TNFSF12: variants seen among roughly 807,000 people sequenced by gnomAD.
The protein encoded by TNFSF12 is tumor necrosis factor ligand superfamily member 12.
In TNFSF12, 16 loss-of-function variants were observed where a neutral mutation model predicts 31.2. That is an observed-to-expected ratio of 0.51 (90% CI 0.35 to 0.78). TNFSF12 has a LOEUF of 0.78. Among genes scored for constraint, TNFSF12 ranks in the 30% least tolerant of loss-of-function variants. The pLI is 0.01. For missense variants in TNFSF12, 324 were observed against 338.8 expected, an observed-to-expected ratio of 0.96 and a Z score of 0.34; for synonymous variants, 150 against 151.4, an observed-to-expected ratio of 0.99 and a Z score of 0.07.
rs879162219 is a variant in TNFSF12, at chr17:7,557,774, G to A, written c.*424G>A. 2 of 176,448 alleles carry A rather than the reference G, an allele frequency of 1.1e-5. No homozygotes were observed. The highest frequency in any genetic ancestry group is 1.8e-4 in the South Asian group (1 of 5,698). The allele number at this position is 176,448 out of a possible 1,614,324, so 10.9% of individuals were successfully genotyped here. A position where few individuals can be genotyped will look rare whatever the true frequency, so the allele number is the denominator to read the frequency against. Reference sequence around the variant, plus strand: ...CCAGGAGTTCCCAAATGTGAGGGGCGAGAAACAAGACAAGCTCCTCCCTTG... The same window carrying A: ...CCAGGAGTTCCCAAATGTGAGGGGCAAGAAACAAGACAAGCTCCTCCCTTG... On this transcript the variant is annotated 3_prime_UTR_variant, in exon 7 of 7. Coordinates refer to ENST00000293825, the MANE Select transcript of TNFSF12 (RefSeq NM_003809.3). The surrounding 1 kb of genome is among the most constrained non-coding windows in gnomAD (Gnocchi z 5.2).
Position 7,556,783 on chromosome 17 carries a change from G to T in TNFSF12, c.379G>T (p.Asp127Tyr). The change falls in exon 6 of 7, where the codon GAC (aspartate) becomes TAC (tyrosine). Residue 127 changes from aspartate (D) to tyrosine (Y), a missense_variant. Coordinates refer to ENST00000293825, the MANE Select transcript of TNFSF12 (RefSeq NM_003809.3). ...PGQDGAQAGVDGTVSGWEEAR... is the reference protein window; with the variant it reads ...PGQDGAQAGVYGTVSGWEEAR... ...CTCTGAGCATCCGTGTTCAGGTGTG[G>T]ACGGGACAGTGAGTGGCTGGGAGGA... 1 of 1,529,334 alleles carries T rather than the reference G, an allele frequency of 6.5e-7. No individual in the cohort carries two copies. Among genetic ancestry groups the T allele is most frequent in the South Asian group, 1.3e-5 (1 of 78,128 alleles). 94.7% of individuals were successfully genotyped at this position (1,529,334 alleles called of 1,614,324 possible).
intron 5 of TNFSF12, 138 bp from the exon 6 acceptor site, chr17:7,556,640 G>A: frequency 7.6e-7 from 1 of 1,313,784 alleles, no homozygotes; most frequent in Non-Finnish European, 9.8e-7. Context: ...TAGGGGATGG[G>A]TCCTCCCTTG....
chr17:7,549,196 G>A lies in TNFSF12; in HGVS notation c.43G>A (p.Glu15Lys), dbSNP rs768061768. 495 of 1,310,690 alleles carry A rather than the reference G, an allele frequency of 3.8e-4. No homozygotes were observed. The highest frequency in any genetic ancestry group is 2.3e-3 in the Middle Eastern group (8 of 3,494). 81.2% of individuals were successfully genotyped at this position (1,310,690 alleles called of 1,614,324 possible). The change falls in exon 1 of 7, where the codon GAG becomes AAG. Residue 15 changes from glutamate to lysine, a missense_variant. Glu to Lys is a moderately conservative substitution (Grantham distance 56, BLOSUM62 1). Coordinates refer to ENST00000293825, the MANE Select transcript of TNFSF12 (RefSeq NM_003809.3). This position sits in a 1 kb window ranked among gnomAD's most constrained non-coding sequence, Gnocchi z 4.1. ...RSQRRRGRRG[E>K]PGTALLVPLA... is the part of the protein sequence containing the mutation. ...CCAGAGGCGGAGGGGGCGCCGGGGG[G>A]AGCCGGGCACCGCCCTGCTGGTCCC...
chr17:7,557,393 C>A lies in TNFSF12; in HGVS notation c.*43C>A. ...GCAGTCGTCCCAGGCTGCCGGCTCC[C>A]CTCGACAGCTCTCTGGGCACCCGGT... On this transcript the variant is annotated 3_prime_UTR_variant, in exon 7 of 7. Coordinates refer to ENST00000293825, the MANE Select transcript of TNFSF12 (RefSeq NM_003809.3). The surrounding 1 kb of genome is among the most constrained non-coding windows in gnomAD (Gnocchi z 5.2). 6.5e-7 allele frequency: 1 copy of A among 1,539,238 alleles called. No homozygotes were observed. The highest frequency in any genetic ancestry group is 8.8e-7 in the Non-Finnish European group (1 of 1,140,656).
Position 7,550,819 on chromosome 17 carries a change from C to A in TNFSF12, c.304C>A (p.Arg102=), listed in dbSNP as rs150816164. 1.9e-6 allele frequency: 3 copies of A among 1,611,610 alleles called. No individual in the cohort carries two copies. Among genetic ancestry groups the A allele is most frequent in the Non-Finnish European group, 2.5e-6 (3 of 1,177,940 alleles). Residue 102 remains arginine, a synonymous_variant, in exon 4 of 7, where the codon CGG becomes AGG. Transcript: ENST00000293825. This position sits in a 1 kb window ranked among gnomAD's most constrained non-coding sequence, Gnocchi z 4.4. ...RRSAPKGRKT[R]ARRAIAAHYE... ...CTCAGCACCTAAAGGCCGGAAAACA[C>A]GGGCTCGAAGAGCGATCGCAGCCCA...
Position 7,550,771 on chromosome 17 carries a change from T to A in TNFSF12, c.284-28T>A, listed in dbSNP as rs755889219. 1 of 1,599,984 alleles carries A rather than the reference T, an allele frequency of 6.3e-7. No homozygotes were observed. The highest frequency in any genetic ancestry group is 8.6e-7 in the Non-Finnish European group (1 of 1,168,348). On this transcript the variant is annotated intron_variant, in intron 3 of 6. Transcript: ENST00000293825. This position sits in a 1 kb window ranked among gnomAD's most constrained non-coding sequence, Gnocchi z 4.4. ...CTGGGACCCCCACTAGGGCCCGCTTTGCTCATCTGTCTTTCCTTGATCCTC... is the reference window on the plus strand; with the variant it reads ...CTGGGACCCCCACTAGGGCCCGCTTAGCTCATCTGTCTTTCCTTGATCCTC...
At chr17:7,554,300 CCA>C (rs1349697611) in intron 5 of TNFSF12, among the ~76,000 whole-genome samples, 1 of 147,428 alleles carries the variant, frequency 6.8e-6, no homozygotes, top group African/African-American at 2.5e-5. Context: ...CAACTAATAT[CCA>C]GACTCTTTTT....
chr17:7,553,486 C>T (rs2071024752), intron 5 of TNFSF12: 1 of 503,312 alleles, frequency 2.0e-6, no homozygotes, highest in African/African-American at 2.0e-5. Flanking sequence ...GTACTGAGGG[C>T]TTTCTTGAGA....
intron 6 of TNFSF12, 76 bp downstream of exon 6, chr17:7,556,978 T>C: frequency 7.1e-7 from 1 of 1,404,126 alleles, no homozygotes; most frequent in Non-Finnish European, 9.7e-7. Flanking sequence ...GGGGACAAGC[T>C]ACAGGGCTGG....
chr17:7,551,004 A>C, intron 5 of TNFSF12, 26 bp downstream of exon 5: 1 of 1,613,074 alleles, frequency 6.2e-7, no homozygotes, highest in Non-Finnish European at 8.5e-7. Flanking sequence ...CCGACACAGC[A>C]CTGGCCTCCT....
intron 5 of TNFSF12, among the ~76,000 whole-genome samples, chr17:7,551,550 T>G (rs1393250343): frequency 6.6e-6 from 1 of 152,194 alleles, no homozygotes; most frequent in African/African-American, 2.4e-5. Context: ...GCTGTCTTCA[T>G]GTTTGCTGCG....
intron 6 of TNFSF12, 48 bp downstream of exon 6, chr17:7,556,950 G>C (rs766910553): frequency 3.3e-6 from 5 of 1,528,714 alleles, no homozygotes; most frequent in Non-Finnish European, 4.4e-6. Context: ...GAGTGGCGAA[G>C]GGTTTGCCAG....
chr17:7,549,245 C>G lies in TNFSF12; in HGVS notation c.92C>G (p.Ala31Gly), dbSNP rs1047123457. ...CCGCTCGCGCTGGGCCTGGGCCTGG[C>G]GCTGGCCTGCCTCGGCCTCCTGCTG... Reference protein sequence around the residue: ...LVPLALGLGLALACLGLLLAV... With the variant: ...LVPLALGLGLGLACLGLLLAV... Residue 31 changes from alanine (A) to glycine (G), a missense_variant, in exon 1 of 7, where the codon GCG becomes GGG. Transcript: ENST00000293825. This position sits in a 1 kb window ranked among gnomAD's most constrained non-coding sequence, Gnocchi z 4.1. The G allele has an allele frequency of 2.2e-6, 3 of 1,394,252 alleles. No homozygotes were observed. Among genetic ancestry groups the G allele is most frequent in the Non-Finnish European group, 2.8e-6 (3 of 1,078,370 alleles). 86.4% of individuals were successfully genotyped at this position (1,394,252 alleles called of 1,614,324 possible).
chr17:7,553,807 A>G (rs1351608628), intron 5 of TNFSF12: 2 of 1,157,428 alleles, frequency 1.7e-6, no homozygotes, highest in Non-Finnish European at 2.2e-6. Context: ...CAGAGGGTCA[A>G]AGGAGAACAA....
rs1253309674 is a variant in TNFSF12, at chr17:7,550,115, C to T, written c.208-5C>T. ...TGTGGTTGAACCCTGCCCTAATTCC[C>T]CTAGGAACTGAATCCCCAGACAGAA... On this transcript the variant is annotated splice_polypyrimidine_tract_variant and splice_region_variant and intron_variant, in intron 2 of 6. Coordinates refer to ENST00000293825, the MANE Select transcript of TNFSF12 (RefSeq NM_003809.3). This position sits in a 1 kb window ranked among gnomAD's most constrained non-coding sequence, Gnocchi z 4.4. The T allele has an allele frequency of 6.2e-7, 1 of 1,614,084 alleles. No homozygotes were observed. Among genetic ancestry groups the T allele is most frequent in the East Asian group, 2.2e-5 (1 of 44,888 alleles).
chr17:7,551,921 G>A (rs747993026), intron 5 of TNFSF12, among the ~76,000 whole-genome samples: 2 of 152,178 alleles, frequency 1.3e-5, no homozygotes, highest in Non-Finnish European at 2.9e-5. Flanking sequence ...AAGTAGCTGG[G>A]ATTACAGGCG....
At position 7,549,607 on chromosome 17, in the gene TNFSF12, G is replaced by A. The variant is rs772095320; in HGVS notation, c.207+86G>A. On this transcript the variant is annotated intron_variant, in intron 2 of 6. Transcript: ENST00000293825. The surrounding 1 kb of genome is among the most constrained non-coding windows in gnomAD (Gnocchi z 4.1). Reference sequence around the variant, plus strand: ...GCTGCAGGTGTGTGCAGCTGTGCCAGCCGTACTCGAGGTGTGTGCAGGGTG... The same window carrying A: ...GCTGCAGGTGTGTGCAGCTGTGCCAACCGTACTCGAGGTGTGTGCAGGGTG... 17 of 1,445,642 alleles carry A rather than the reference G, an allele frequency of 1.2e-5. No individual in the cohort carries two copies. The highest frequency in any genetic ancestry group is 1.4e-5 in the South Asian group (1 of 71,098). 89.6% of individuals were successfully genotyped at this position (1,445,642 alleles called of 1,614,324 possible).
Position 7,550,431 on chromosome 17 carries a change from G to A in TNFSF12, c.283+236G>A, listed in dbSNP as rs1028135528. Among the ~76,000 whole-genome samples, 8 of 152,190 alleles carry A rather than the reference G, an allele frequency of 5.3e-5. No homozygotes were observed. Among genetic ancestry groups the A allele is most frequent in the Admixed American group, 1.3e-4 (2 of 15,280 alleles). On this transcript the variant is annotated intron_variant, in intron 3 of 6. Coordinates refer to ENST00000293825, the MANE Select transcript of TNFSF12 (RefSeq NM_003809.3). This position sits in a 1 kb window ranked among gnomAD's most constrained non-coding sequence, Gnocchi z 4.4. ...GGCCATGAGTTAGAAGAACTACTGG[G>A]ATCCTGATGGAGACTAGGCCTGGCA...
At position 7,557,411 on chromosome 17, in the gene TNFSF12, C is replaced by A; in HGVS notation, c.*61C>A. Reference sequence around the variant, plus strand: ...CGGCTCCCCTCGACAGCTCTCTGGGCACCCGGTCCCCTCTGCCCCACCCTC... The same window carrying A: ...CGGCTCCCCTCGACAGCTCTCTGGGAACCCGGTCCCCTCTGCCCCACCCTC... On this transcript the variant is annotated 3_prime_UTR_variant, in exon 7 of 7. Transcript: ENST00000293825. This position sits in a 1 kb window ranked among gnomAD's most constrained non-coding sequence, Gnocchi z 5.2. 1 of 1,523,784 alleles carries A rather than the reference C, an allele frequency of 6.6e-7. No homozygotes were observed. The highest frequency in any genetic ancestry group is 1.4e-5 in the African/African-American group (1 of 72,860). The allele number at this position is 1,523,784 out of a possible 1,614,324, so 94.4% of individuals were successfully genotyped here.
Sources: allele counts gnomAD v4.1 joint callset (sites outside exome capture counted in the v4.1 genomes callset), GRCh38; gene constraint gnomAD v4.1.1; non-coding constraint Gnocchi (gnomAD v3.1); transcripts MANE v1.5; gene names NCBI Gene and HGNC (gene_info 2026-07-23, HGNC 2026-07-21).